The following AMY2B variants were observed in gnomAD, a reference collection of about 807,000 sequenced individuals.
AMY2B encodes the protein alpha-amylase 2B.
In AMY2B, 63 loss-of-function variants were observed where a neutral mutation model predicts 59.3. The ratio of observed to expected loss-of-function variants is 1.06; its 90% confidence interval spans 0.87 to 1.31. The LOEUF is 1.31. Ranked by LOEUF, AMY2B falls within the 50% of genes most tolerant of loss-of-function variation. The pLI, the probability that AMY2B is intolerant of heterozygous loss-of-function variation, is 0.00. For synonymous variants in AMY2B, 180 were observed against 198.1 expected (o/e 0.91, Z 0.77); for missense variants, 635 against 626.7 (o/e 1.01, Z -0.14).
intron 5 of AMY2B, 83 bp from the exon 6 acceptor site, chr1:103,575,140 A>G: frequency 6.3e-7 from 1 of 1,594,254 alleles, no homozygotes; most frequent in Non-Finnish European, 8.6e-7. Flanking sequence ...ATGCCATGCC[A>G]TGCAGAAAGA....
chr1:103,557,234 C>T (rs1453287919), intron 1 of AMY2B, among the ~76,000 whole-genome samples: 1 of 151,998 alleles, frequency 6.6e-6, no homozygotes, highest in Non-Finnish European at 1.5e-5. Context: ...ATACCCTGTA[C>T]CCAACATGCA....
chr1:103,571,907 C>T (rs1570645598), intron 1 of AMY2B, 137 bp downstream of exon 1: 2 of 1,580,786 alleles, frequency 1.3e-6, no homozygotes, highest in Middle Eastern at 2.3e-4. Flanking sequence ...GAGGAAAAAA[C>T]AATGTAGTAT....
rs1223892574 is a variant in AMY2B, at chr1:103,560,307, A to T, written c.-206-5128A>T. On this transcript the variant is annotated intron_variant, in intron 1 of 11. Transcript: ENST00000361355. ...ATATTTGTTGAATTTCTAGTCAGAG[A>T]GTCAAACATTTTTAATTATAAATGT... is the stretch of plus-strand genomic sequence containing the variant. 2.0e-5 allele frequency among the ~76,000 whole-genome samples: 3 copies of T among 152,142 alleles called. No homozygotes were observed. The East Asian group carries it at 5.8e-4, about 29-fold the overall frequency.
intron 1 of AMY2B, among the ~76,000 whole-genome samples, chr1:103,563,534 A>C (rs1434654357): frequency 6.6e-6 from 1 of 152,088 alleles, no homozygotes; most frequent in Non-Finnish European, 1.5e-5. Context: ...TGCTTCTCCT[A>C]TGGGGTATAT....
chr1:103,563,223 C>G (rs1292149419), intron 1 of AMY2B, among the ~76,000 whole-genome samples: 1 of 151,964 alleles, frequency 6.6e-6, no homozygotes, highest in African/African-American at 2.4e-5. Flanking sequence ...ATTTCATATT[C>G]TTAGGGAATT....
chr1:103,569,815 C>T (rs1040320628), upstream of AMY2B: 10 of 454,560 alleles, frequency 2.2e-5, no homozygotes, highest in African/African-American at 1.8e-4. Flanking sequence ...TCTGGCATCA[C>T]ACCTTCTACA....
chr1:103,574,047 TA>T, intron 4 of AMY2B, 109 bp downstream of exon 4: 2 of 1,573,488 alleles, frequency 1.3e-6, no homozygotes, highest in South Asian at 2.3e-5. Flanking sequence ...GTCATTTATA[TA>T]AAATGGTGTT....
At chr1:103,563,057 AC>A (rs1437647057) in intron 1 of AMY2B, among the ~76,000 whole-genome samples, 1 of 152,014 alleles carries the variant, frequency 6.6e-6, no homozygotes, top group East Asian at 1.9e-4. Flanking sequence ...TACTTTTGAG[AC>A]CCTCAGAAAC....
At chr1:103,557,150 GCACACACACA>G (rs746677345) in intron 1 of AMY2B, among the ~76,000 whole-genome samples, 35 of 148,128 alleles carry the variant, frequency 2.4e-4, no homozygotes, top group African/African-American at 8.7e-4. Context: ...GTGCGCGCGC[GCACACACACA>G]CACACACACA....
rs1342183147 is a variant in AMY2B, at chr1:103,572,211, T to C, written c.270T>C (p.Asn90=). Residue 90 remains asparagine, a synonymous_variant, in exon 2 of 10, where the codon AAT becomes AAC. Transcript: ENST00000684275. The part of the protein sequence containing the change: ...VSYKLCTRSG[N]EDEFRNMVTR... ...ATAAATTATGCACAAGATCTGGAAA[T>C]GAAGATGAATTTAGAAACATGGTGA... The C allele has an allele frequency of 1.3e-5, 21 of 1,611,476 alleles. No homozygotes were observed. The highest frequency in any genetic ancestry group is 1.8e-5 in the Non-Finnish European group (21 of 1,179,640).
At chr1:103,574,216 A>C (rs777497941) in intron 4 of AMY2B, 44 bp from the exon 5 acceptor site, 10 of 1,611,494 alleles carry the variant, frequency 6.2e-6, no homozygotes, top group Non-Finnish European at 7.6e-6. Context: ...AAAATGCTTT[A>C]AAGTCCTTAT....
chr1:103,570,513 A>C, upstream of AMY2B: 2 of 628,764 alleles, frequency 3.2e-6, no homozygotes, highest in Admixed American at 3.7e-5. Context: ...CCGGGCACCT[A>C]GCACCATGAA....
chr1:103,567,197 T>G (rs1651938418), upstream of AMY2B, among the ~76,000 whole-genome samples: 1 of 152,186 alleles, frequency 6.6e-6, no homozygotes, highest in African/African-American at 2.4e-5. Flanking sequence ...GAAAAGTAGT[T>G]GCTTCCACAC....
chr1:103,572,639 G>T (rs775098612), intron 2 of AMY2B, among the ~76,000 whole-genome samples: 1 of 152,120 alleles, frequency 6.6e-6, no homozygotes, highest in Non-Finnish European at 1.5e-5. Context: ...TGACTAGCTA[G>T]CTTCTCTATT....
chr1:103,572,341 T>A, intron 2 of AMY2B, 85 bp downstream of exon 2: 1 of 1,534,502 alleles, frequency 6.5e-7, no homozygotes. Flanking sequence ...CAGCAGAAAG[T>A]TTTCCATATT....
intron 1 of AMY2B, among the ~76,000 whole-genome samples, chr1:103,557,248 G>A (rs1341883419): frequency 2.0e-5 from 3 of 151,900 alleles, no homozygotes; most frequent in Non-Finnish European, 2.9e-5. Flanking sequence ...ACATGCACAA[G>A]GTCTAAGCAA....
intron 5 of AMY2B, among the ~76,000 whole-genome samples, 155 bp downstream of exon 5, chr1:103,574,548 C>T (rs1570648349): frequency 6.6e-6 from 1 of 152,112 alleles, no homozygotes; most frequent in South Asian, 2.1e-4. Flanking sequence ...TCTAATCAAT[C>T]ATCTTTTGTA....
intron 1 of AMY2B, among the ~76,000 whole-genome samples, chr1:103,560,270 G>A (rs1651692712): frequency 6.6e-6 from 1 of 152,074 alleles, no homozygotes; most frequent in Non-Finnish European, 1.5e-5. Flanking sequence ...ATGTTATAAG[G>A]TGAGTAAACA....
intron 1 of AMY2B, among the ~76,000 whole-genome samples, chr1:103,564,233 C>T (rs1286930575): frequency 6.6e-6 from 1 of 152,120 alleles, no homozygotes; most frequent in South Asian, 2.1e-4. Flanking sequence ...CAGCATCACA[C>T]AGGTTATAAA....
Sources: allele counts gnomAD v4.1 joint callset (sites outside exome capture counted in the v4.1 genomes callset), GRCh38; gene constraint gnomAD v4.1.1; transcripts MANE v1.5; gene names NCBI Gene and HGNC (gene_info 2026-07-23, HGNC 2026-07-21).